NBEA: variants seen among roughly 807,000 people sequenced by gnomAD.
NBEA encodes the protein neurobeachin.
In NBEA, 44 loss-of-function variants were observed where a neutral mutation model predicts 343.4. The observed-to-expected ratio is 0.13, with a 90% CI of 0.10 to 0.16. The LOEUF (loss-of-function observed/expected upper bound fraction) is 0.16. NBEA is among the 10% of genes least tolerant of loss of function. The pLI is 1.00. For synonymous variants in NBEA, 1,175 were observed against 1,238.7 expected (o/e 0.95, Z 1.08); for missense variants, 2,555 against 3,631.3 (o/e 0.70, Z 7.62).
chr13:35,618,429 A>T (rs185989636), intron 48 of NBEA, among the ~76,000 whole-genome samples: 4,270 of 152,266 alleles, frequency 0.028, 92 homozygotes, highest in South Asian at 0.061. Context: ...TTATTTTTTT[A>T]AAAAATGAAG....
chr13:35,229,174 G>A (rs1276528700), intron 33 of NBEA, among the ~76,000 whole-genome samples: 2 of 152,002 alleles, frequency 1.3e-5, no homozygotes, highest in Non-Finnish European at 2.9e-5. Flanking sequence ...AGGATCACAG[G>A]CACCCGCCAC....
At chr13:35,379,572 T>C (rs1380910091) in intron 38 of NBEA, among the ~76,000 whole-genome samples, 2 of 152,204 alleles carry the variant, frequency 1.3e-5, no homozygotes, top group Admixed American at 6.5e-5. Flanking sequence ...GTTTTTTGTT[T>C]AAAGCATCTT....
chr13:35,155,935 C>T, intron 19 of NBEA, 80 bp downstream of exon 19: 1 of 1,503,856 alleles, frequency 6.6e-7, no homozygotes, highest in Non-Finnish European at 9.2e-7. Flanking sequence ...TTTCCTAACC[C>T]CTTAAATCAT....
chr13:35,653,680 G>A (rs541680646), intron 53 of NBEA, among the ~76,000 whole-genome samples: 1 of 152,244 alleles, frequency 6.6e-6, no homozygotes, highest in South Asian at 2.1e-4. Context: ...CTGGAAATAA[G>A]ATAAGATACA....
chr13:35,340,220 G>A (rs1243297563), intron 36 of NBEA, among the ~76,000 whole-genome samples: 1 of 152,018 alleles, frequency 6.6e-6, no homozygotes, highest in African/African-American at 2.4e-5. Context: ...GAAGGTTAAA[G>A]CAACCAAAAT....
At chr13:35,202,471 G>A (rs961619552) in intron 31 of NBEA, among the ~76,000 whole-genome samples, 2 of 152,132 alleles carry the variant, frequency 1.3e-5, no homozygotes, top group African/African-American at 2.4e-5. Flanking sequence ...TTGCCTTAAT[G>A]AGTCACTGTT....
At chr13:35,513,038 A>G (rs774981630) in intron 41 of NBEA, among the ~76,000 whole-genome samples, 2 of 152,118 alleles carry the variant, frequency 1.3e-5, no homozygotes, top group Non-Finnish European at 2.9e-5. Flanking sequence ...CTCTTGGCAT[A>G]AATTTATTTC....
chr13:35,201,004 A>AC (rs887697732), intron 31 of NBEA, among the ~76,000 whole-genome samples: 1 of 10,348 alleles, frequency 9.7e-5, no homozygotes, highest in South Asian at 0.062. Flanking sequence ...ATTTGTTCTT[A>AC]TTACTATTTT....
intron 38 of NBEA, among the ~76,000 whole-genome samples, chr13:35,415,172 A>G (rs1401789292): frequency 6.6e-6 from 1 of 152,124 alleles, no homozygotes; most frequent in African/African-American, 2.4e-5. Context: ...ATTTTCTCCC[A>G]TTCTGTAGGT....
At chr13:35,080,346 T>A (rs2064326430) in intron 10 of NBEA, among the ~76,000 whole-genome samples, 1 of 152,146 alleles carries the variant, frequency 6.6e-6, no homozygotes, top group African/African-American at 2.4e-5. Context: ...CTTTGCAGGA[T>A]CATTTTGACA....
intron 41 of NBEA, among the ~76,000 whole-genome samples, chr13:35,525,377 C>A (rs2077920140): frequency 6.6e-6 from 1 of 152,076 alleles, no homozygotes; most frequent in Admixed American, 6.6e-5. Context: ...CATGGCAAAA[C>A]CCCATCTCCA....
chr13:35,631,616 A>G (rs769465905), intron 49 of NBEA, among the ~76,000 whole-genome samples: 6 of 140,808 alleles, frequency 4.3e-5, no homozygotes, highest in African/African-American at 1.1e-4. Flanking sequence ...TAATATATGA[A>G]TATCTATATA....
chr13:35,118,298 A>G lies in NBEA; in HGVS notation c.2145+8A>G. 6.4e-7 allele frequency: 1 copy of G among 1,565,912 alleles called. No individual in the cohort carries two copies. On this transcript the variant is annotated splice_region_variant and intron_variant, in intron 15 of 58. Coordinates refer to ENST00000379939, the MANE Select transcript of NBEA (RefSeq NM_001385012.1). ...CTACTTACGATGCATGAGGTAGGACATGTTATGGGCCTTTTATTTTAATTA... is the reference window on the plus strand; with the variant it reads ...CTACTTACGATGCATGAGGTAGGACGTGTTATGGGCCTTTTATTTTAATTA...
chr13:35,050,827 G>A (rs1393296913), intron 6 of NBEA, among the ~76,000 whole-genome samples: 2 of 151,940 alleles, frequency 1.3e-5, no homozygotes, highest in African/African-American at 4.8e-5. Context: ...TGTTTCCTGA[G>A]ATTGAAGGTT....
chr13:35,348,798 A>G (rs1368988742), intron 36 of NBEA, among the ~76,000 whole-genome samples: 2 of 152,032 alleles, frequency 1.3e-5, no homozygotes, highest in African/African-American at 4.8e-5. Context: ...TAAGATAGTG[A>G]CTTCTGTTGC....
chr13:35,104,737 A>AT (rs2065832006), intron 11 of NBEA, among the ~76,000 whole-genome samples: 1 of 151,896 alleles, frequency 6.6e-6, no homozygotes, highest in Non-Finnish European at 1.5e-5. Context: ...AGGCCTTTTT[A>AT]TTAATAACAA....
intron 39 of NBEA, among the ~76,000 whole-genome samples, chr13:35,434,994 A>C (rs1054359091): frequency 6.6e-6 from 1 of 152,160 alleles, no homozygotes; most frequent in Non-Finnish European, 1.5e-5. Context: ...AAAAAAGATA[A>C]GATAGATTAT....
chr13:35,518,313 C>A (rs1594862686), intron 41 of NBEA, among the ~76,000 whole-genome samples: 1 of 151,908 alleles, frequency 6.6e-6, no homozygotes, highest in Non-Finnish European at 1.5e-5. Context: ...ATATTAAATC[C>A]TTATAACAAC....
intron 40 of NBEA, among the ~76,000 whole-genome samples, chr13:35,462,786 A>G (rs1400407147): frequency 6.6e-6 from 1 of 152,138 alleles, no homozygotes; most frequent in Non-Finnish European, 1.5e-5. Context: ...AGCTACCAAA[A>G]AGAAAAAAAA....
Sources: allele counts gnomAD v4.1 joint callset (sites outside exome capture counted in the v4.1 genomes callset), GRCh38; gene constraint gnomAD v4.1.1; transcripts MANE v1.5; gene names NCBI Gene and HGNC (gene_info 2026-07-23, HGNC 2026-07-21).